CHD9: variants seen among roughly 807,000 people sequenced by gnomAD.
CHD9 encodes chromodomain helicase DNA binding protein 9.
A neutral mutation model predicts 316.1 loss-of-function variants in CHD9; 77 were observed. The ratio of observed to expected loss-of-function variants is 0.24; its 90% CI spans 0.20 to 0.29. The LOEUF is 0.29. CHD9 is among the 10% of genes least tolerant of loss of function. CHD9 has a pLI of 1.00. For synonymous variants in CHD9, 1,129 were observed against 1,158.3 expected (o/e 0.97, Z 0.51); for missense variants, 2,763 against 3,438.1 (o/e 0.80, Z 4.91).
At chr16:53,060,639 C>G (rs1022378351) in intron 1 of CHD9, among the ~76,000 whole-genome samples, 1 of 151,874 alleles carries the variant, frequency 6.6e-6, no homozygotes. Flanking sequence ...ACCTGTAGTC[C>G]CAGCTACTCA....
chr16:53,232,805 C>CACTT (rs142364285), intron 10 of CHD9, among the ~76,000 whole-genome samples: 47,069 of 151,844 alleles, frequency 0.31, 7,410 homozygotes, highest in Middle Eastern at 0.39. Flanking sequence ...CTTTAGCAAA[C>CACTT]ACCTGTATTA....
At position 53,324,392 on chromosome 16, in the gene CHD9, C is replaced by T. The variant is rs1027458754; in HGVS notation, c.8191C>T (p.Leu2731=). The T allele has an allele frequency of 6.2e-7, 1 of 1,613,968 alleles. No individual in the cohort carries two copies. Among genetic ancestry groups the T allele is most frequent in the Non-Finnish European group, 8.5e-7 (1 of 1,179,882 alleles). ...LPNLLGMGGL[L]TKPTESGTED... is the part of the protein sequence containing the mutation. The stretch of plus-strand genomic sequence containing the variant: ...AAATCTGTTGGGCATGGGAGGACTC[C>T]TGACAAAGCCTACGGAATCTGGGAC... Residue 2731 remains leucine (L), a synonymous_variant, in exon 39 of 39, where the codon CTG becomes TTG. Coordinates refer to ENST00000447540, the MANE Select transcript of CHD9 (RefSeq NM_001308319.2).
At chr16:53,227,936 A>T (rs532069372) in intron 7 of CHD9, among the ~76,000 whole-genome samples, 119 of 152,078 alleles carry the variant, frequency 7.8e-4, no homozygotes, top group African/African-American at 2.6e-3. Context: ...ATACAAAAAA[A>T]TTAGCTTGGT....
Position 53,209,552 on chromosome 16 carries a change from T to A in CHD9, c.1523T>A (p.Met508Lys). 6.2e-7 allele frequency: 1 copy of A among 1,613,782 alleles called. No homozygotes were observed. ...TKLQNTQVRV[M>K]SEKKQRKKVE... ...TTGCAGAATACCCAGGTGAGGGTCATGTCTGAGAAGAAGCAGAGAAAAAAG... is the reference window on the plus strand; with the variant it reads ...TTGCAGAATACCCAGGTGAGGGTCAAGTCTGAGAAGAAGCAGAGAAAAAAG... Residue 508 changes from methionine (M) to lysine (K), a missense_variant, in exon 3 of 39, where the codon ATG becomes AAG. By Grantham distance (95) the Met-to-Lys change is moderately conservative. Around this residue, in one of 15 missense-constraint regions of CHD9, gnomAD observed 859 missense variants for 890.4 expected, o/e 0.96. Coordinates refer to ENST00000447540, the MANE Select transcript of CHD9 (RefSeq NM_001308319.2).
chr16:53,184,302 A>G (rs2043798722), intron 2 of CHD9, among the ~76,000 whole-genome samples: 1 of 152,074 alleles, frequency 6.6e-6, no homozygotes, highest in African/African-American at 2.4e-5. Context: ...ATACATATGT[A>G]TGTGTTTATG....
intron 2 of CHD9, chr16:53,207,910 T>G: frequency 3.0e-6 from 1 of 328,892 alleles, no homozygotes; most frequent in Non-Finnish European, 4.4e-6. Flanking sequence ...TTGCAGAGTC[T>G]AATGGAATAA....
At chr16:53,240,425 A>G (rs182818835) in intron 12 of CHD9, among the ~76,000 whole-genome samples, 4 of 152,256 alleles carry the variant, frequency 2.6e-5, no homozygotes, top group East Asian at 3.9e-4. Flanking sequence ...GATATGTAAT[A>G]AACTGAATTG....
intron 37 of CHD9, among the ~76,000 whole-genome samples, chr16:53,320,635 CAAG>C (rs1376599216): frequency 2.6e-5 from 4 of 152,068 alleles, no homozygotes; most frequent in African/African-American, 7.2e-5. Flanking sequence ...AGAAATTACT[CAAG>C]AAATATTTTT....
In CHD9 at chr16:53,324,009, A is replaced by C. The variant is rs1486616160; in HGVS notation, c.7819-11A>C. ...ATGTAGGGATTATTAATGAATATAT[A>C]TTTCTTCCAGGGATTTCTTCCAGAA... On this transcript the variant is annotated splice_polypyrimidine_tract_variant and intron_variant, in intron 38 of 38. Coordinates refer to ENST00000447540, the MANE Select transcript of CHD9 (RefSeq NM_001308319.2). 3 of 1,588,518 alleles carry C rather than the reference A, an allele frequency of 1.9e-6. No homozygotes were observed. In the East Asian group the frequency reaches 6.8e-5, roughly 36 times the overall value.
At chr16:53,256,222 G>C (rs753816796) in intron 19 of CHD9, among the ~76,000 whole-genome samples, 4 of 152,004 alleles carry the variant, frequency 2.6e-5, no homozygotes, top group Non-Finnish European at 5.9e-5. Context: ...CCAGCACTTT[G>C]GGAGCCAAGG....
In CHD9 at chr16:53,201,931, T is replaced by C. The variant is rs148882889; in HGVS notation, c.1453-7551T>C. On this transcript the variant is annotated intron_variant, in intron 2 of 38. Transcript: ENST00000447540. ...CTTGAGTACAGGGGCTAATCATAGCTCACTGCAACCTCAAGCTCCTGGGCT... is the reference window on the plus strand; with the variant it reads ...CTTGAGTACAGGGGCTAATCATAGCCCACTGCAACCTCAAGCTCCTGGGCT... 3.6e-3 allele frequency among the ~76,000 whole-genome samples: 555 copies of C among 152,086 alleles called. 9 individuals are homozygous for C. The highest frequency in any genetic ancestry group is 0.012 in the African/African-American group (506 of 41,482).
At chr16:53,135,762 T>C (rs2039669158) in intron 1 of CHD9, among the ~76,000 whole-genome samples, 2 of 152,174 alleles carry the variant, frequency 1.3e-5, no homozygotes, top group African/African-American at 4.8e-5. Context: ...CATATTCATA[T>C]TGTGTTATTT....
At chr16:53,243,300 G>C (rs902379539) in intron 13 of CHD9, among the ~76,000 whole-genome samples, 1 of 151,966 alleles carries the variant, frequency 6.6e-6, no homozygotes, top group African/African-American at 2.4e-5. Context: ...AAATAAGACC[G>C]TAAGTTTTTG....
rs1053258291 is a variant in CHD9, at chr16:53,324,997, G to A, written c.*102G>A. On this transcript the variant is annotated 3_prime_UTR_variant, in exon 39 of 39. Coordinates refer to ENST00000447540, the MANE Select transcript of CHD9 (RefSeq NM_001308319.2). Reference sequence around the variant, plus strand: ...TGAGTGCATCAATAACTTACTGACCGAACATTTCAGTTATTTGTTTAGAAG... The same window carrying A: ...TGAGTGCATCAATAACTTACTGACCAAACATTTCAGTTATTTGTTTAGAAG... The A allele has an allele frequency of 5.1e-5, 49 of 962,728 alleles. No homozygotes were observed. The highest frequency in any genetic ancestry group is 3.5e-4 in the East Asian group (13 of 37,544). The allele number at this position is 962,728 out of a possible 1,614,324, so 59.6% of individuals were successfully genotyped here. A position where few individuals can be genotyped will look rare whatever the true frequency, so the allele number is the denominator to read the frequency against.
intron 8 of CHD9, 46 bp downstream of exon 8, chr16:53,229,146 C>T (rs2047946366): frequency 5.5e-6 from 5 of 903,064 alleles, no homozygotes; most frequent in Non-Finnish European, 8.4e-6. Flanking sequence ...TCTCTGAATA[C>T]ATGTAGCATT....
chr16:53,256,511 C>T (rs1156570830), intron 19 of CHD9, among the ~76,000 whole-genome samples: 3 of 148,572 alleles, frequency 2.0e-5, no homozygotes, highest in South Asian at 4.3e-4. Flanking sequence ...TTAGTAGAGA[C>T]GGGGTTTCGC....
intron 1 of CHD9, among the ~76,000 whole-genome samples, chr16:53,098,091 G>C (rs1268499058): frequency 2.0e-5 from 3 of 152,186 alleles, no homozygotes; most frequent in African/African-American, 7.2e-5. Context: ...TTGCACTCCA[G>C]CCTGGGGGAC....
intron 17 of CHD9, among the ~76,000 whole-genome samples, chr16:53,251,663 G>A (rs575468909): frequency 1.1e-4 from 16 of 152,270 alleles, no homozygotes; most frequent in African/African-American, 3.6e-4. Context: ...TAATTTGGGA[G>A]AAAAACTAGA....
At chr16:53,071,144 T>C (rs2034011578) in intron 1 of CHD9, among the ~76,000 whole-genome samples, 1 of 152,218 alleles carries the variant, frequency 6.6e-6, no homozygotes, top group Non-Finnish European at 1.5e-5. Flanking sequence ...CATTTACTTA[T>C]ATCTTCTTTA....
Sources: allele counts gnomAD v4.1 joint callset (sites outside exome capture counted in the v4.1 genomes callset), GRCh38; gene constraint gnomAD v4.1.1; regional missense constraint gnomAD v4.1.1; transcripts MANE v1.5; gene names NCBI Gene and HGNC (gene_info 2026-07-23, HGNC 2026-07-21).